The following DENND1B variants were observed in gnomAD, a reference collection of about 807,000 sequenced individuals.
DENND1B encodes DENN domain-containing protein 1B.
DENND1B carries 59 observed loss-of-function variants against 90.1 expected under a neutral mutation model. The observed-to-expected ratio is 0.65, with a 90% CI of 0.53 to 0.81. The LOEUF (loss-of-function observed/expected upper bound fraction) is 0.81. DENND1B is among the 40% of genes least tolerant of loss of function. DENND1B has a pLI of 0.00. For missense variants in DENND1B, 862 were observed against 912.6 expected (o/e 0.94, Z 0.71); for synonymous variants, 337 against 324.6 (o/e 1.04, Z -0.41).
chr1:197,627,485 A>C (rs1436551900), intron 10 of DENND1B, among the ~76,000 whole-genome samples: 3 of 152,194 alleles, frequency 2.0e-5, no homozygotes, highest in Non-Finnish European at 2.9e-5. Flanking sequence ...AGAACACTTC[A>C]TGCTAAAAAC....
At chr1:197,520,226 C>T (rs537962466) in intron 20 of DENND1B, among the ~76,000 whole-genome samples, 2 of 152,016 alleles carry the variant, frequency 1.3e-5, no homozygotes, top group East Asian at 1.9e-4. Flanking sequence ...TTATTACATG[C>T]ATACTACTGC....
chr1:197,519,686 T>C (rs1481474115), intron 20 of DENND1B, among the ~76,000 whole-genome samples: 1 of 151,924 alleles, frequency 6.6e-6, no homozygotes, highest in Non-Finnish European at 1.5e-5. Flanking sequence ...GGGAAGTCTT[T>C]CCCTGAAAGA....
intron 15 of DENND1B, among the ~76,000 whole-genome samples, chr1:197,556,743 G>A (rs1050496222): frequency 4.6e-5 from 7 of 151,730 alleles, no homozygotes; most frequent in African/African-American, 1.7e-4. Context: ...TACCTTATGC[G>A]GTATTGCAAA....
chr1:197,635,943 A>C (rs942756068), intron 10 of DENND1B, among the ~76,000 whole-genome samples: 1 of 151,986 alleles, frequency 6.6e-6, no homozygotes, highest in African/African-American at 2.4e-5. Context: ...CCTAAGAGAC[A>C]GATACATTGT....
At chr1:197,590,120 C>A (rs573085951) in intron 14 of DENND1B, among the ~76,000 whole-genome samples, 1 of 152,128 alleles carries the variant, frequency 6.6e-6, no homozygotes, top group South Asian at 2.1e-4. Flanking sequence ...TGGAAAGATG[C>A]TTTGTTTGTG....
At chr1:197,569,732 T>A (rs1395639912) in intron 15 of DENND1B, among the ~76,000 whole-genome samples, 1 of 151,808 alleles carries the variant, frequency 6.6e-6, no homozygotes, top group Admixed American at 6.6e-5. Flanking sequence ...ACTAAAAAAG[T>A]CAAACTCAGA....
intron 10 of DENND1B, among the ~76,000 whole-genome samples, chr1:197,639,343 C>T (rs571779763): frequency 5.3e-5 from 8 of 152,220 alleles, no homozygotes; most frequent in Admixed American, 1.3e-4. Flanking sequence ...GGATTACAGG[C>T]GTGAGCCACT....
intron 13 of DENND1B, among the ~76,000 whole-genome samples, chr1:197,596,738 T>C (rs778319009): frequency 6.6e-6 from 1 of 151,892 alleles, no homozygotes; most frequent in Non-Finnish European, 1.5e-5. Flanking sequence ...TTTATGCAAG[T>C]AGCCCTGACT....
intron 13 of DENND1B, among the ~76,000 whole-genome samples, chr1:197,596,408 G>A (rs1675693628): frequency 6.6e-6 from 1 of 151,524 alleles, no homozygotes; most frequent in African/African-American, 2.4e-5. Context: ...TAAAAATATT[G>A]GTTCTCATAT....
intron 2 of DENND1B, among the ~76,000 whole-genome samples, chr1:197,767,226 C>G (rs1284061752): frequency 6.6e-6 from 1 of 151,948 alleles, no homozygotes; most frequent in East Asian, 1.9e-4. Flanking sequence ...TACATTTAGA[C>G]ACATCAGTAT....
chr1:197,666,313 T>C (rs964680147), intron 5 of DENND1B, among the ~76,000 whole-genome samples: 3 of 152,218 alleles, frequency 2.0e-5, no homozygotes, highest in African/African-American at 7.2e-5. Flanking sequence ...GAATAAAGAC[T>C]ACAGTTAATC....
At chr1:197,572,125 G>A (rs982586463) in intron 15 of DENND1B, among the ~76,000 whole-genome samples, 5 of 152,168 alleles carry the variant, frequency 3.3e-5, no homozygotes, top group African/African-American at 4.8e-5. Flanking sequence ...CGCCGCACCC[G>A]GGAAGCACAA....
At position 197,647,119 on chromosome 1, in the gene DENND1B, T is replaced by C; in HGVS notation, c.448-5A>G. 1 of 1,446,350 alleles carries C rather than the reference T, an allele frequency of 6.9e-7. No individual in the cohort carries two copies. The highest frequency in any genetic ancestry group is 1.5e-5 in the African/African-American group (1 of 66,472). 89.6% of individuals were successfully genotyped at this position (1,446,350 alleles called of 1,614,324 possible). A position where few individuals can be genotyped will look rare whatever the true frequency, so the allele number is the denominator to read the frequency against. On this transcript the variant is annotated splice_polypyrimidine_tract_variant and splice_region_variant and intron_variant, in intron 7 of 22. Transcript: ENST00000620048. ...GGCAATAAATATCTCTTGGTTCTTA[T>C]AATACATGAGAGAAAAAAATGAATA...
intron 12 of DENND1B, 107 bp downstream of exon 12, chr1:197,611,824 A>T (rs1048443970): frequency 1.2e-6 from 1 of 840,894 alleles, no homozygotes; most frequent in African/African-American, 1.8e-5. Context: ...ATATGAAACT[A>T]GTCACTTCTT....
intron 9 of DENND1B, among the ~76,000 whole-genome samples, chr1:197,643,200 G>T (rs1680429408): frequency 6.6e-6 from 1 of 151,746 alleles, no homozygotes; most frequent in Non-Finnish European, 1.5e-5. Context: ...TGTCACCCAG[G>T]CTGGAGTGCA....
intron 2 of DENND1B, chr1:197,734,025 T>G (rs1662398291): frequency 1.2e-6 from 1 of 859,654 alleles, no homozygotes. Flanking sequence ...GAAATTATAT[T>G]TTATTTGCAG....
chr1:197,725,649 A>G (rs1302129294), intron 2 of DENND1B, among the ~76,000 whole-genome samples: 1 of 151,996 alleles, frequency 6.6e-6, no homozygotes, highest in Non-Finnish European at 1.5e-5. Flanking sequence ...AAAAAAAGTT[A>G]TATTTGTTCA....
chr1:197,719,877 G>A (rs1398205154), intron 2 of DENND1B, among the ~76,000 whole-genome samples: 1 of 152,116 alleles, frequency 6.6e-6, no homozygotes, highest in African/African-American at 2.4e-5. Flanking sequence ...TTCAGTTAAA[G>A]GTCTACAACA....
At chr1:197,660,772 C>G (rs1654329025) in intron 5 of DENND1B, among the ~76,000 whole-genome samples, 1 of 152,210 alleles carries the variant, frequency 6.6e-6, no homozygotes, top group East Asian at 1.9e-4. Context: ...TCCAGACAAA[C>G]TATCAATAAA....
Sources: allele counts gnomAD v4.1 joint callset (sites outside exome capture counted in the v4.1 genomes callset), GRCh38; gene constraint gnomAD v4.1.1; transcripts MANE v1.5; gene names NCBI Gene and HGNC (gene_info 2026-07-23, HGNC 2026-07-21).